Variants in LYPLAL1 observed in about 807,000 individuals in gnomAD.
The protein encoded by LYPLAL1 is lysophospholipase-like protein 1.
In LYPLAL1, 23 loss-of-function variants were observed where a neutral mutation model predicts 19.7. That is an observed-to-expected ratio of 1.17 (90% CI 0.84 to 1.65). The LOEUF (loss-of-function observed/expected upper bound fraction) is 1.65. Ranked by LOEUF, LYPLAL1 falls within the 40% of genes most tolerant of loss-of-function variation. The pLI is 0.00. For synonymous variants in LYPLAL1, 119 were observed against 96.3 expected, an observed-to-expected ratio of 1.24 and a Z score of -1.38; for missense variants, 355 against 279.4, an observed-to-expected ratio of 1.27 and a Z score of -1.93.
At chr1:219,420,832 C>T in the LYPLAL1 span, among the ~76,000 whole-genome samples, 1 of 152,126 alleles carries the variant, frequency 6.6e-6, no homozygotes. Context: ...TAAATTCTGG[C>T]TTTCTAAGCT....
the LYPLAL1 span, among the ~76,000 whole-genome samples, chr1:219,432,022 A>G: frequency 6.6e-6 from 1 of 152,260 alleles, no homozygotes; most frequent in African/African-American, 2.4e-5. Flanking sequence ...GATAGCAACT[A>G]TATTTCATTG....
the LYPLAL1 span, among the ~76,000 whole-genome samples, chr1:219,229,294 TGA>T: frequency 6.0e-3 from 798 of 132,982 alleles, 13 homozygotes; most frequent in East Asian, 0.035. Context: ...ACAAGCATTT[TGA>T]GAGAGAGAGA....
At chr1:219,345,106 G>T in the LYPLAL1 span, among the ~76,000 whole-genome samples, 3 of 152,022 alleles carry the variant, frequency 2.0e-5, no homozygotes. Flanking sequence ...TAATAAATAG[G>T]AATATTTCTT....
chr1:219,186,266 G>A (rs1262458214), intron 2 of LYPLAL1, among the ~76,000 whole-genome samples: 1 of 151,698 alleles, frequency 6.6e-6, no homozygotes, highest in Admixed American at 6.6e-5. Flanking sequence ...CTTTGCATAT[G>A]GTCTATCTTG....
the LYPLAL1 span, among the ~76,000 whole-genome samples, chr1:219,364,894 A>T: frequency 4.6e-5 from 7 of 152,290 alleles, no homozygotes; most frequent in East Asian, 1.4e-3. Context: ...CCACTATGAT[A>T]CAATCACCTG....
At chr1:219,366,488 A>G in the LYPLAL1 span, among the ~76,000 whole-genome samples, 49 of 152,332 alleles carry the variant, frequency 3.2e-4, no homozygotes, top group African/African-American at 1.1e-3. Context: ...ACTTATTACT[A>G]TAGAACAGTT....
At chr1:219,365,724 C>T in the LYPLAL1 span, among the ~76,000 whole-genome samples, 22,815 of 152,098 alleles carry the variant, frequency 0.15, 1,888 homozygotes, top group East Asian at 0.27. Flanking sequence ...GTCAGAAGCA[C>T]AGATGTGACC....
At chr1:219,274,767 A>T in the LYPLAL1 span, among the ~76,000 whole-genome samples, 3 of 152,172 alleles carry the variant, frequency 2.0e-5, no homozygotes, top group African/African-American at 7.2e-5. Context: ...AGTTTTAAGG[A>T]TTCAGTCTCT....
At chr1:219,306,089 A>G in the LYPLAL1 span, among the ~76,000 whole-genome samples, 1 of 152,362 alleles carries the variant, frequency 6.6e-6, no homozygotes, top group East Asian at 1.9e-4. Context: ...AATTTAGTTC[A>G]CATCAATCAT....
At chr1:219,414,226 A>C in the LYPLAL1 span, among the ~76,000 whole-genome samples, 1 of 152,186 alleles carries the variant, frequency 6.6e-6, no homozygotes, top group Non-Finnish European at 1.5e-5. Flanking sequence ...AAATGCCAGC[A>C]TTAAGTTTTA....
the LYPLAL1 span, among the ~76,000 whole-genome samples, chr1:219,376,830 A>T: frequency 6.6e-6 from 1 of 152,206 alleles, no homozygotes; most frequent in African/African-American, 2.4e-5. Context: ...AAAACATACA[A>T]CAAATTTTGG....
chr1:219,385,712 G>T, the LYPLAL1 span, among the ~76,000 whole-genome samples: 1 of 152,038 alleles, frequency 6.6e-6, no homozygotes, highest in African/African-American at 2.4e-5. Flanking sequence ...TTATTTGAAG[G>T]AACAAGAGGG....
chr1:219,351,942 T>C, the LYPLAL1 span, among the ~76,000 whole-genome samples: 1 of 152,234 alleles, frequency 6.6e-6, no homozygotes, highest in South Asian at 2.1e-4. Context: ...TGGAGATTTG[T>C]CAGAGATTTC....
At chr1:219,381,505 C>T in the LYPLAL1 span, among the ~76,000 whole-genome samples, 2 of 152,170 alleles carry the variant, frequency 1.3e-5, no homozygotes, top group African/African-American at 2.4e-5. Flanking sequence ...TATATACGCT[C>T]TTAGTGGGGA....
At chr1:219,278,805 C>T in the LYPLAL1 span, among the ~76,000 whole-genome samples, 3 of 152,170 alleles carry the variant, frequency 2.0e-5, no homozygotes, top group Non-Finnish European at 4.4e-5. Context: ...CCAGTGCTGA[C>T]ATTTGGACCT....
chr1:219,332,966 C>CTGTA, the LYPLAL1 span, among the ~76,000 whole-genome samples: 1 of 151,918 alleles, frequency 6.6e-6, no homozygotes, highest in Non-Finnish European at 1.5e-5. Flanking sequence ...TTCTAGCTGG[C>CTGTA]TGTAAACTAA....
chr1:219,404,348 G>T, the LYPLAL1 span, among the ~76,000 whole-genome samples: 1 of 152,134 alleles, frequency 6.6e-6, no homozygotes, highest in Non-Finnish European at 1.5e-5. Flanking sequence ...ATCCAAAAGA[G>T]TAATCCTTTT....
chr1:219,388,853 T>G, the LYPLAL1 span, among the ~76,000 whole-genome samples: 1 of 152,182 alleles, frequency 6.6e-6, no homozygotes. Context: ...TATTACTTGA[T>G]GAGACTACTC....
the LYPLAL1 span, among the ~76,000 whole-genome samples, chr1:219,383,130 A>G: frequency 6.6e-6 from 1 of 152,334 alleles, no homozygotes; most frequent in African/African-American, 2.4e-5. Context: ...CCTCATGTCA[A>G]TTTCCAGACT....
Sources: allele counts gnomAD v4.1 joint callset (sites outside exome capture counted in the v4.1 genomes callset), GRCh38; gene constraint gnomAD v4.1.1; transcripts MANE v1.5; gene names NCBI Gene and HGNC (gene_info 2026-07-23, HGNC 2026-07-21).